The following EAF2 variants were observed in gnomAD, a reference collection of about 807,000 sequenced individuals.
EAF2 encodes ELL-associated factor 2.
A neutral mutation model predicts 29.4 loss-of-function variants in EAF2; 29 were observed. The ratio of observed to expected loss-of-function variants is 0.99; its 90% CI spans 0.73 to 1.35. EAF2 has a LOEUF of 1.35. Among genes scored for constraint, EAF2 ranks in the 40% most tolerant of loss-of-function variants. The pLI, the probability that EAF2 is intolerant of heterozygous loss-of-function variation, is 0.00. For synonymous variants in EAF2, 103 were observed against 102.5 expected (o/e 1.00, Z -0.03); for missense variants, 292 against 312.0 (o/e 0.94, Z 0.48).
intron 4 of EAF2, among the ~76,000 whole-genome samples, chr3:121,863,302 A>G (rs1432798238): frequency 6.6e-6 from 1 of 152,158 alleles, no homozygotes; most frequent in Non-Finnish European, 1.5e-5. Flanking sequence ...GGTGGAGTCT[A>G]CAGATGCAGG....
intron 5 of EAF2, among the ~76,000 whole-genome samples, chr3:121,880,922 T>C (rs1709182572): frequency 6.6e-6 from 1 of 152,076 alleles, no homozygotes. Context: ...TTGTTGAGGG[T>C]TTTTTATCAT....
At chr3:121,846,081 T>C (rs1452983256) in intron 2 of EAF2, among the ~76,000 whole-genome samples, 1 of 152,180 alleles carries the variant, frequency 6.6e-6, no homozygotes, top group East Asian at 1.9e-4. Flanking sequence ...ATTTTTGTAA[T>C]GGGGTGGTTT....
At chr3:121,835,468 T>G in intron 1 of EAF2, 77 bp downstream of exon 1, 1 of 1,336,594 alleles carries the variant, frequency 7.5e-7, no homozygotes, top group Non-Finnish European at 1.1e-6. Flanking sequence ...CTCTGGGTTT[T>G]GTTCCCACAG....
In EAF2 at chr3:121,872,791, A is replaced by G. The variant is rs779689447; in HGVS notation, c.736+3A>G. On this transcript the variant is annotated splice_donor_region_variant and intron_variant, in intron 5 of 5. Coordinates refer to ENST00000273668, the MANE Select transcript of EAF2 (RefSeq NM_018456.6). ...TGGCCTTCTGATGAATACTTTAAGTAAGTATACATAAACACAGGCAATTGG... is the reference window on the plus strand; with the variant it reads ...TGGCCTTCTGATGAATACTTTAAGTGAGTATACATAAACACAGGCAATTGG... 21 of 1,605,374 alleles carry G rather than the reference A, an allele frequency of 1.3e-5. No homozygotes were observed. In the Admixed American group the frequency reaches 1.7e-4, roughly 13 times the overall value.
At chr3:121,854,315 CAAAAAAAA>C (rs34965578) in intron 2 of EAF2, among the ~76,000 whole-genome samples, 2 of 104,400 alleles carry the variant, frequency 1.9e-5, no homozygotes, top group East Asian at 2.7e-4. Context: ...GACTCTGTCT[CAAAAAAAA>C]AAAAAAAAAA....
chr3:121,845,459 A>AAAAAAAAGAAAG (rs71133578), intron 2 of EAF2, among the ~76,000 whole-genome samples: 5 of 96,604 alleles, frequency 5.2e-5, no homozygotes, highest in Non-Finnish European at 9.4e-5. Flanking sequence ...AAAAAAAAAA[A>AAAAAAAAGAAAG]AAAGAAAGAA....
At chr3:121,836,194 T>C (rs1708275828) in intron 1 of EAF2, 1 of 152,252 alleles carries the variant, frequency 6.6e-6, no homozygotes, top group Non-Finnish European at 1.5e-5. Context: ...CATAGAATTG[T>C]AGAGCGGGAA....
At chr3:121,858,356 C>A (rs2107521845) in intron 4 of EAF2, among the ~76,000 whole-genome samples, 1 of 152,352 alleles carries the variant, frequency 6.6e-6, no homozygotes, top group South Asian at 2.1e-4. Context: ...TTAATGATCG[C>A]CATTCTAACT....
intron 4 of EAF2, among the ~76,000 whole-genome samples, chr3:121,862,546 C>T (rs936650474): frequency 2.0e-5 from 3 of 152,160 alleles, no homozygotes; most frequent in Non-Finnish European, 4.4e-5. Flanking sequence ...CTTCTCTATG[C>T]TGTTTATTCT....
intron 1 of EAF2, among the ~76,000 whole-genome samples, chr3:121,839,154 T>C (rs1708359055): frequency 6.6e-6 from 1 of 152,232 alleles, no homozygotes; most frequent in Admixed American, 6.5e-5. Flanking sequence ...CACACCATTG[T>C]TGTTTTATCT....
chr3:121,841,220 A>G (rs1158226490), intron 1 of EAF2, among the ~76,000 whole-genome samples: 6 of 152,018 alleles, frequency 3.9e-5, no homozygotes, highest in Admixed American at 3.9e-4. Context: ...AAAGTTGAGG[A>G]CTACCGGGCA....
chr3:121,867,722 C>T (rs1447633923), intron 4 of EAF2, among the ~76,000 whole-genome samples: 1 of 152,142 alleles, frequency 6.6e-6, no homozygotes, highest in Non-Finnish European at 1.5e-5. Flanking sequence ...ACAGAAAGAG[C>T]AAACATATCA....
intron 4 of EAF2, among the ~76,000 whole-genome samples, chr3:121,858,770 CTAGGTT>C (rs1708770540): frequency 6.6e-6 from 1 of 152,148 alleles, no homozygotes; most frequent in Admixed American, 6.5e-5. Flanking sequence ...ATGGTATTGC[CTAGGTT>C]TTCTTCTAGC....
chr3:121,861,557 T>C (rs1708831787), intron 4 of EAF2, among the ~76,000 whole-genome samples: 4 of 152,176 alleles, frequency 2.6e-5, no homozygotes, highest in Admixed American at 2.6e-4. Context: ...TTTGAGCCTA[T>C]GTGTGTCTCT....
intron 4 of EAF2, among the ~76,000 whole-genome samples, chr3:121,858,677 T>C (rs74988141): frequency 1.2e-3 from 162 of 140,772 alleles, no homozygotes; most frequent in South Asian, 9.4e-3. Context: ...AGTTCAATCA[T>C]ATCCCATTTG....
rs1184740560 is a variant in EAF2 at position 121,854,593 on chromosome 3, A to G, written c.202-94A>G. 7 of 1,077,382 alleles carry G rather than the reference A, an allele frequency of 6.5e-6. No individual in the cohort carries two copies. The East Asian group carries it at 1.9e-4, about 29-fold the overall frequency. 66.7% of individuals were successfully genotyped at this position (1,077,382 alleles called of 1,614,324 possible). A position where few individuals can be genotyped will look rare whatever the true frequency, so the allele number is the denominator to read the frequency against. On this transcript the variant is annotated intron_variant, in intron 2 of 5. Transcript: ENST00000273668. The stretch of plus-strand genomic sequence containing the variant: ...GTTTATGGGTGACTTGAAGTATAAC[A>G]TAGAAGGAGAAACCCAGAATCAAGA...
intron 1 of EAF2, among the ~76,000 whole-genome samples, chr3:121,840,805 C>CA (rs5852282): frequency 0.38 from 33,215 of 86,690 alleles, 7,318 homozygotes; most frequent in East Asian, 0.71. Context: ...GACTCCGTCT[C>CA]AAAAAAAAAA....
rs761156878 is a variant in EAF2 at position 121,854,813 on chromosome 3, A to G, written c.328A>G (p.Lys110Glu). The G allele has an allele frequency of 6.4e-7, 1 of 1,566,018 alleles. No homozygotes were observed. The highest frequency in any genetic ancestry group is 1.2e-5 in the South Asian group (1 of 80,844). Residue 110 changes from lysine (K) to glutamate (E), a missense_variant, in exon 3 of 6, where the codon AAA becomes GAA. Lys to Glu is a moderately conservative substitution (Grantham distance 56, BLOSUM62 1). Transcript: ENST00000273668. ...LEKLSSNITV[K>E]KTRVEGSSKI... ...AAAACTCAGCAGCAACATCACTGTA[A>G]AAAAAACAAGGTATGTGGTTTAATG... is the stretch of plus-strand genomic sequence containing the variant.
chr3:121,856,307 T>G (rs532751234), intron 3 of EAF2, among the ~76,000 whole-genome samples: 1 of 151,470 alleles, frequency 6.6e-6, no homozygotes, highest in African/African-American at 2.4e-5. Context: ...ATCTGTTCAA[T>G]TTAAGCAATG....
Sources: gnomAD v4.1 joint callset for allele counts (sites outside exome capture counted in the v4.1 genomes callset) on GRCh38, gnomAD v4.1.1 for gene constraint, MANE v1.5 for transcripts, NCBI Gene and HGNC (gene_info 2026-07-23, HGNC 2026-07-21) for gene names.